The following NCAPD3 variants were observed in gnomAD, a reference collection of about 807,000 sequenced individuals.
NCAPD3 encodes the protein non-SMC condensin II complex subunit D3.
NCAPD3 carries 105 observed loss-of-function variants against 182.9 expected under a neutral mutation model. The observed-to-expected ratio is 0.57, with a 90% CI of 0.49 to 0.68. The LOEUF is 0.68. Ranked by LOEUF, NCAPD3 falls within the 30% of genes least tolerant of loss-of-function variation. NCAPD3 has a pLI of 0.00. For synonymous variants in NCAPD3, 815 were observed against 679.9 expected (o/e 1.20, Z -3.09); for missense variants, 1,944 against 1,837.0 (o/e 1.06, Z -1.07).
chr11:134,170,666 T>A (rs1437895661), intron 24 of NCAPD3, among the ~76,000 whole-genome samples: 1 of 152,264 alleles, frequency 6.6e-6, no homozygotes, highest in Non-Finnish European at 1.5e-5. Flanking sequence ...AGGTCAAGAA[T>A]ACACATGGGT....
intron 16 of NCAPD3, among the ~76,000 whole-genome samples, chr11:134,189,677 T>C (rs183014794): frequency 3.4e-4 from 52 of 152,332 alleles, no homozygotes; most frequent in Admixed American, 3.4e-3. Context: ...TTTTTATAAA[T>C]GGTTCACATA....
In NCAPD3 at chr11:134,185,492, T is replaced by C; in HGVS notation, c.2080A>G (p.Lys694Glu). 4 of 1,610,832 alleles carry C rather than the reference T, an allele frequency of 2.5e-6. No homozygotes were observed. Among genetic ancestry groups the C allele is most frequent in the Non-Finnish European group, 3.4e-6 (4 of 1,178,828 alleles). The change falls in exon 17 of 35, where the codon AAG (lysine) becomes GAG (glutamate). Residue 694 changes from lysine (K) to glutamate (E), a missense_variant. Physicochemically the swap from Lys to Glu is moderately conservative, Grantham distance 56. Around this residue, in one of 3 missense-constraint regions of NCAPD3, gnomAD observed 1,803 missense variants for 1,674.6 expected, o/e 1.08. Transcript: ENST00000534548. ...YLNKAFHIWS[K>E]KEKFSPTFIN... ...AAAGTGGGTGAGAATTTTTCTTTCTTGGACCAGATATGAAAAGCCTTATTT... is the reference window on the plus strand; with the variant it reads ...AAAGTGGGTGAGAATTTTTCTTTCTCGGACCAGATATGAAAAGCCTTATTT...
Position 134,152,901 on chromosome 11 carries a change from C to A in NCAPD3, c.*43G>T. On this transcript the variant is annotated 3_prime_UTR_variant, in exon 35 of 35. Transcript: ENST00000534548. Reference sequence around the variant, plus strand: ...CACACGGAGGACACGAGACTGCTTCCTCAAGGGCTCCTGCCTGCCTGGACA... The same window carrying A: ...CACACGGAGGACACGAGACTGCTTCATCAAGGGCTCCTGCCTGCCTGGACA... 1 of 1,460,216 alleles carries A rather than the reference C, an allele frequency of 6.8e-7. No homozygotes were observed. Among genetic ancestry groups the A allele is most frequent in the African/African-American group, 1.4e-5 (1 of 70,548 alleles). The allele number at this position is 1,460,216 out of a possible 1,614,324, so 90.5% of individuals were successfully genotyped here.
In NCAPD3 at chr11:134,157,973, G is replaced by A. The variant is rs150526752; in HGVS notation, c.4129C>T (p.Pro1377Ser). 3,618 of 1,614,110 alleles carry A rather than the reference G, an allele frequency of 2.2e-3. 5 individuals carry two copies. Among genetic ancestry groups the A allele is most frequent in the Non-Finnish European group, 2.5e-3 (2,985 of 1,180,010 alleles). ...GGGCTTCCAGAATTTAAAGTGAAAG[G>A]CAGCACTCCTAAGCTCCGACTCCGA... ...RHRSRSLGVL[P>S]FTLNSGSPEK... Residue 1377 changes from proline (P) to serine (S), a missense_variant, in exon 31 of 35, where the codon CCT becomes TCT. By Grantham distance (74) the Pro-to-Ser change is moderately conservative. This residue lies in a region of NCAPD3 where 1,803 missense variants were observed against 1,674.6 expected (regional missense o/e 1.08). Coordinates refer to ENST00000534548, the MANE Select transcript of NCAPD3 (RefSeq NM_015261.3).
At chr11:134,161,169 C>A (rs549558195) in intron 28 of NCAPD3, among the ~76,000 whole-genome samples, 1 of 152,172 alleles carries the variant, frequency 6.6e-6, no homozygotes, top group Non-Finnish European at 1.5e-5. Flanking sequence ...GTGAACAGAG[C>A]TATAACTGCT....
At chr11:134,169,575 C>A (rs938125612) in intron 24 of NCAPD3, among the ~76,000 whole-genome samples, 21 of 152,192 alleles carry the variant, frequency 1.4e-4, no homozygotes, top group African/African-American at 4.8e-4. Context: ...GGACAAGTTC[C>A]CTCTGCAAAG....
rs1943493435 is a variant in NCAPD3 at position 134,158,571 on chromosome 11, A to C, written c.3868-76T>G. On this transcript the variant is annotated intron_variant, in intron 29 of 34. Coordinates refer to ENST00000534548, the MANE Select transcript of NCAPD3 (RefSeq NM_015261.3). ...AAAAACGGATATATGATAGTTGTAC[A>C]TGGTTGGGGGTCCATATGAGATTTT... 9 of 1,469,132 alleles carry C rather than the reference A, an allele frequency of 6.1e-6. No homozygotes were observed. The Admixed American group carries it at 7.3e-5, about 12-fold the overall frequency. 91.0% of individuals were successfully genotyped at this position (1,469,132 alleles called of 1,614,324 possible). A position where few individuals can be genotyped will look rare whatever the true frequency, so the allele number is the denominator to read the frequency against.
rs964365863 is a variant in NCAPD3 at position 134,167,984 on chromosome 11, C to G, written c.3573+12G>C. The G allele has an allele frequency of 1.2e-6, 2 of 1,612,326 alleles. No homozygotes were observed. The highest frequency in any genetic ancestry group is 1.7e-6 in the Non-Finnish European group (2 of 1,178,882). On this transcript the variant is annotated intron_variant, in intron 27 of 34. Transcript: ENST00000534548. ...TTGTGAGAAGATGATCTTAGGGGAG[C>G]AACACACTCACTTGTGAGATGAGCT... is the stretch of plus-strand genomic sequence containing the variant.
chr11:134,168,848 C>T, intron 25 of NCAPD3, 69 bp downstream of exon 25: 1 of 1,549,218 alleles, frequency 6.5e-7, no homozygotes, highest in Non-Finnish European at 8.7e-7. Flanking sequence ...ATGCAAAGAG[C>T]CTAACCTCCC....
intron 2 of NCAPD3, among the ~76,000 whole-genome samples, chr11:134,219,598 G>T (rs1318119892): frequency 6.6e-6 from 1 of 151,644 alleles, no homozygotes; most frequent in Non-Finnish European, 1.5e-5. Context: ...ATTTTTTTTT[G>T]TTCATTTAAA....
At chr11:134,179,015 G>A (rs1261732054) in intron 20 of NCAPD3, 79 bp from the exon 21 acceptor site, 5 of 909,826 alleles carry the variant, frequency 5.5e-6, no homozygotes, top group African/African-American at 1.7e-5. Context: ...CATGTCAATG[G>A]AGTATTTCCT....
At position 134,150,909 on chromosome 11, in the gene NCAPD3, G is replaced by A. The variant is rs919178306; in HGVS notation, c.*2035C>T. ...TGGCGGGGAGGAAAGTGAAACGCCT[G>A]AATCAAAAGCAGTTTTCTAATTTTG... On this transcript the variant is annotated 3_prime_UTR_variant, in exon 35 of 35. Coordinates refer to ENST00000534548, the MANE Select transcript of NCAPD3 (RefSeq NM_015261.3). 4 of 152,184 alleles carry A rather than the reference G, an allele frequency of 2.6e-5. No individual in the cohort carries two copies. The highest frequency in any genetic ancestry group is 9.7e-5 in the African/African-American group (4 of 41,442). The allele number at this position is 152,184 out of a possible 1,614,324, so 9.4% of individuals were successfully genotyped here.
In NCAPD3 at chr11:134,210,306, T is replaced by C; in HGVS notation, c.531A>G (p.Arg177=). The C allele has an allele frequency of 6.2e-7, 1 of 1,613,958 alleles. No individual in the cohort carries two copies. The highest frequency in any genetic ancestry group is 8.5e-7 in the Non-Finnish European group (1 of 1,179,990). The part of the protein sequence containing the change: ...KSSQANPGRH[R]KRGKPPRRED... ...CTCTCCTGGGTGGCTTTCCCCTTTTTCTATGCCTCCCGGGGTTAGCCTGAG... is the reference window on the plus strand; with the variant it reads ...CTCTCCTGGGTGGCTTTCCCCTTTTCCTATGCCTCCCGGGGTTAGCCTGAG... The change falls in exon 4 of 35, where the codon AGA becomes AGG. Residue 177 remains arginine, a synonymous_variant. Transcript: ENST00000534548.
intron 27 of NCAPD3, among the ~76,000 whole-genome samples, chr11:134,162,134 AT>A (rs932386498): frequency 6.6e-6 from 1 of 152,202 alleles, no homozygotes; most frequent in Non-Finnish European, 1.5e-5. Context: ...TATATTCTAA[AT>A]GGGGAAAAAG....
At position 134,168,451 on chromosome 11, in the gene NCAPD3, C is replaced by A. The variant is rs1943922433; in HGVS notation, c.3373+18G>T. The A allele has an allele frequency of 6.2e-7, 1 of 1,613,752 alleles. No individual in the cohort carries two copies. Among genetic ancestry groups the A allele is most frequent in the Non-Finnish European group, 8.5e-7 (1 of 1,179,676 alleles). On this transcript the variant is annotated intron_variant, in intron 26 of 34. Coordinates refer to ENST00000534548, the MANE Select transcript of NCAPD3 (RefSeq NM_015261.3). ...ATTTGCAAACACACACATTTTCTCC[C>A]ACACACACTGGGCTTACCCAAAATA...
At chr11:134,171,005 G>C (rs971324244) in intron 24 of NCAPD3, among the ~76,000 whole-genome samples, 1 of 152,178 alleles carries the variant, frequency 6.6e-6, no homozygotes, top group Admixed American at 6.5e-5. Context: ...CTGCTGAAAA[G>C]TTAGGAGAAA....
chr11:134,208,060 C>T (rs1591859129), intron 7 of NCAPD3, among the ~76,000 whole-genome samples: 1 of 152,114 alleles, frequency 6.6e-6, no homozygotes, highest in East Asian at 1.9e-4. Context: ...AACGCTTTAG[C>T]CAGGGTGAAT....
At chr11:134,164,290 G>C (rs185494465) in intron 27 of NCAPD3, among the ~76,000 whole-genome samples, 2 of 152,226 alleles carry the variant, frequency 1.3e-5, no homozygotes, top group Non-Finnish European at 2.9e-5. Context: ...GGGAGAAAGA[G>C]GAGATGAAGA....
At chr11:134,160,133 A>C (rs1054031214) in intron 28 of NCAPD3, 59 bp from the exon 29 acceptor site, 2 of 1,562,664 alleles carry the variant, frequency 1.3e-6, no homozygotes, top group Middle Eastern at 1.7e-4. Context: ...TAAAGCCCTA[A>C]ACCCCCACGA....
Sources: allele counts gnomAD v4.1 joint callset (sites outside exome capture counted in the v4.1 genomes callset), GRCh38; gene constraint gnomAD v4.1.1; regional missense constraint gnomAD v4.1.1; transcripts MANE v1.5; gene names NCBI Gene and HGNC (gene_info 2026-07-23, HGNC 2026-07-21).